Variants in SNX14 observed in about 807,000 individuals in gnomAD.
SNX14 encodes the protein sorting nexin-14.
SNX14 carries 93 observed loss-of-function variants against 133.8 expected under a neutral mutation model. That is an observed-to-expected ratio of 0.70 (90% CI 0.59 to 0.83). The LOEUF is 0.83. SNX14 is among the 40% of genes least tolerant of loss of function. SNX14 has a pLI of 0.00. For synonymous variants in SNX14, 368 were observed against 365.6 expected (o/e 1.01, Z -0.07); for missense variants, 945 against 1,094.9 (o/e 0.86, Z 1.93).
Position 85,547,299 on chromosome 6 carries a change from A to G in SNX14, c.993+18T>C, listed in dbSNP as rs1309583376. ...AAATTGTTTATATCAAAAAGGTGTT[A>G]TTGCTGAAAATTCTTACAGATGGCT... On this transcript the variant is annotated intron_variant, in intron 11 of 28. Transcript: ENST00000314673. The G allele has an allele frequency of 6.2e-7, 1 of 1,612,550 alleles. No homozygotes were observed. The highest frequency in any genetic ancestry group is 8.5e-7 in the Non-Finnish European group (1 of 1,179,564).
chr6:85,583,041 G>A (rs185084888), intron 1 of SNX14, among the ~76,000 whole-genome samples: 33 of 151,738 alleles, frequency 2.2e-4, no homozygotes, highest in Admixed American at 5.9e-4. Context: ...CTGGCAAACC[G>A]AATCCAGCAC....
At position 85,574,123 on chromosome 6, in the gene SNX14, A is replaced by C. The variant is rs557221346; in HGVS notation, c.261+135T>G. 20 of 677,418 alleles carry C rather than the reference A, an allele frequency of 3.0e-5. No homozygotes were observed. The African/African-American group carries it at 3.6e-4, about 12-fold the overall frequency. 42.0% of individuals were successfully genotyped at this position (677,418 alleles called of 1,614,324 possible). A position where few individuals can be genotyped will look rare whatever the true frequency, so the allele number is the denominator to read the frequency against. On this transcript the variant is annotated intron_variant, in intron 2 of 28. Transcript: ENST00000314673. Reference sequence around the variant, plus strand: ...TAGCAGAGTACCTAAAAAAAACAAAAAAAAAAAAGAGAAGAAATTGAAAGA... The same window carrying C: ...TAGCAGAGTACCTAAAAAAAACAAACAAAAAAAAGAGAAGAAATTGAAAGA...
At chr6:85,568,621 T>C (rs967907063) in intron 4 of SNX14, 5 of 152,192 alleles carry the variant, frequency 3.3e-5, no homozygotes, top group African/African-American at 1.2e-4. Flanking sequence ...AGTTGCAACA[T>C]TGGGCAGTAA....
At chr6:85,592,033 A>G (rs1489388352) in intron 1 of SNX14, among the ~76,000 whole-genome samples, 1 of 152,172 alleles carries the variant, frequency 6.6e-6, no homozygotes, top group East Asian at 1.9e-4. Flanking sequence ...ATAAAAATAA[A>G]AATCATATGA....
Position 85,548,380 on chromosome 6 carries a change from GA to G in SNX14, c.792-5del. On this transcript the variant is annotated splice_region_variant and splice_polypyrimidine_tract_variant and intron_variant, in intron 8 of 28. Coordinates refer to ENST00000314673, the MANE Select transcript of SNX14 (RefSeq NM_153816.6). ...TCTTATAAGTAAGGTCAGAGATCTG[GA>G]AAAAGAAATAATAATAATTGTTTAT... 1.3e-6 allele frequency: 2 copies of G among 1,575,288 alleles called. No homozygotes were observed. Among genetic ancestry groups the G allele is most frequent in the Admixed American group, 3.8e-5 (2 of 52,810 alleles).
chr6:85,526,396 T>C (rs186873008), intron 20 of SNX14, among the ~76,000 whole-genome samples, 159 bp from the exon 21 acceptor site: 295 of 152,348 alleles, frequency 1.9e-3, no homozygotes, highest in African/African-American at 6.7e-3. Context: ...TATAGGATAG[T>C]AGGTAAGACC....
In SNX14 at chr6:85,535,999, A is replaced by C. The variant is rs79669814; in HGVS notation, c.1608+793T>G. 9.2e-3 allele frequency among the ~76,000 whole-genome samples: 1,394 copies of C among 152,276 alleles called. 22 individuals carry two copies. The highest frequency in any genetic ancestry group is 0.031 in the African/African-American group (1,305 of 41,552). On this transcript the variant is annotated intron_variant, in intron 17 of 28. Transcript: ENST00000314673. ...CTATTCAATAAAAATAAAAAGTACA[A>C]ATGAGACAATACTTGCCTTTATGGG...
chr6:85,517,327 T>G (rs903467652), intron 23 of SNX14, among the ~76,000 whole-genome samples: 2 of 152,228 alleles, frequency 1.3e-5, no homozygotes, highest in African/African-American at 4.8e-5. Flanking sequence ...TATCCTTATA[T>G]TCCCAGTGCC....
chr6:85,543,062 C>G, intron 14 of SNX14, 120 bp downstream of exon 14: 1 of 1,017,264 alleles, frequency 9.8e-7, no homozygotes. Context: ...GCAACTGTGC[C>G]CAGTAATCTT....
At chr6:85,539,416 G>GA (rs1332221822) in intron 15 of SNX14, among the ~76,000 whole-genome samples, 1 of 152,026 alleles carries the variant, frequency 6.6e-6, no homozygotes, top group Non-Finnish European at 1.5e-5. Context: ...TTTAAGCTAA[G>GA]AAGCACAGTT....
chr6:85,579,338 G>A (rs1798340674), intron 1 of SNX14, among the ~76,000 whole-genome samples: 2 of 151,988 alleles, frequency 1.3e-5, no homozygotes, highest in Admixed American at 1.3e-4. Context: ...GAACCATAAG[G>A]AGAGAGAGAG....
rs1774101592 is a variant in SNX14 at position 85,514,491 on chromosome 6, C to T, written c.2392+15G>A. 2 of 1,609,012 alleles carry T rather than the reference C, an allele frequency of 1.2e-6. No homozygotes were observed. The highest frequency in any genetic ancestry group is 2.2e-5 in the South Asian group (2 of 89,760). ...AGATGAATGAAAAACAAGTCTTAAA[C>T]CACTTAGATCTTACCTACATACATC... On this transcript the variant is annotated intron_variant, in intron 24 of 28. Coordinates refer to ENST00000314673, the MANE Select transcript of SNX14 (RefSeq NM_153816.6).
intron 1 of SNX14, among the ~76,000 whole-genome samples, chr6:85,586,701 T>G (rs199893238): frequency 2.6e-5 from 4 of 152,104 alleles, no homozygotes; most frequent in East Asian, 1.9e-4. Flanking sequence ...CACCTCAGCC[T>G]CCCGAGTTAG....
intron 1 of SNX14, among the ~76,000 whole-genome samples, chr6:85,590,473 C>T (rs1450107574): frequency 1.3e-5 from 2 of 152,196 alleles, no homozygotes; most frequent in East Asian, 3.8e-4. Flanking sequence ...AAAACACCCA[C>T]TCAGGAAGAT....
chr6:85,530,135 AG>A, intron 19 of SNX14, 56 bp downstream of exon 19: 12 of 1,032,222 alleles, frequency 1.2e-5, no homozygotes, highest in Non-Finnish European at 8.7e-6. Flanking sequence ...CTGGTGTCAT[AG>A]TTTTAAAGAA....
At chr6:85,572,049 A>G (rs1017717050) in intron 4 of SNX14, 88 bp downstream of exon 4, 3 of 1,094,446 alleles carry the variant, frequency 2.7e-6, no homozygotes, top group African/African-American at 3.2e-5. Context: ...AAGATGCTCC[A>G]TGATTAAATT....
At chr6:85,508,500 C>A in intron 26 of SNX14, 1 of 470,130 alleles carries the variant, frequency 2.1e-6, no homozygotes, top group Non-Finnish European at 2.8e-6. Flanking sequence ...CGACTTCTAC[C>A]CAGTGGGCAG....
intron 4 of SNX14, among the ~76,000 whole-genome samples, chr6:85,571,186 T>C (rs1291750924): frequency 6.6e-6 from 1 of 151,622 alleles, no homozygotes; most frequent in Non-Finnish European, 1.5e-5. Flanking sequence ...ACCCCGTCTC[T>C]ACTAAAATGA....
At chr6:85,555,198 T>G (rs559734541) in intron 7 of SNX14, among the ~76,000 whole-genome samples, 5 of 152,230 alleles carry the variant, frequency 3.3e-5, no homozygotes, top group Admixed American at 6.5e-5. Flanking sequence ...TGATTCCATT[T>G]ATTCATAGTC....
Sources: allele counts gnomAD v4.1 joint callset (sites outside exome capture counted in the v4.1 genomes callset), GRCh38; gene constraint gnomAD v4.1.1; transcripts MANE v1.5; gene names NCBI Gene and HGNC (gene_info 2026-07-23, HGNC 2026-07-21).